NRG2: variants seen among roughly 807,000 people sequenced by gnomAD.
The protein encoded by NRG2 is neuregulin 2.
In NRG2, 27 loss-of-function variants were observed where a neutral mutation model predicts 73.9. The ratio of observed to expected loss-of-function variants is 0.37; its 90% CI spans 0.27 to 0.50. The LOEUF (loss-of-function observed/expected upper bound fraction) is 0.50. Among genes scored for constraint, NRG2 ranks in the 20% least tolerant of loss-of-function variants. NRG2 has a pLI of 0.96. For synonymous variants in NRG2, 532 were observed against 541.0 expected (o/e 0.98, Z 0.23); for missense variants, 1,126 against 1,210.1 (o/e 0.93, Z 1.03).
At chr5:139,950,266 G>A (rs886142469) in intron 1 of NRG2, among the ~76,000 whole-genome samples, 4 of 152,128 alleles carry the variant, frequency 2.6e-5, no homozygotes, top group African/African-American at 4.8e-5. Flanking sequence ...CATGATTGGC[G>A]GTACCATCTC....
chr5:139,983,462 C>G (rs1756958341), intron 1 of NRG2, among the ~76,000 whole-genome samples: 1 of 152,208 alleles, frequency 6.6e-6, no homozygotes, highest in Non-Finnish European at 1.5e-5. Context: ...CAGGTCAGAG[C>G]TCTACCAAAC....
chr5:139,954,480 C>G lies in NRG2; in HGVS notation c.701-66969G>C, dbSNP rs894227772. ...TCATCCATCACACCATGGCCAAATTCATCCCACCACCCACTCTCCTGCTGA... is the reference window on the plus strand; with the variant it reads ...TCATCCATCACACCATGGCCAAATTGATCCCACCACCCACTCTCCTGCTGA... On this transcript the variant is annotated intron_variant, in intron 1 of 9. Transcript: ENST00000361474. The surrounding 1 kb of genome is among the most constrained non-coding windows in gnomAD (Gnocchi z 5.0). Among the ~76,000 whole-genome samples, 1 of 152,230 alleles carries G rather than the reference C, an allele frequency of 6.6e-6. No homozygotes were observed. Among genetic ancestry groups the G allele is most frequent in the Non-Finnish European group, 1.5e-5 (1 of 68,042 alleles).
chr5:140,041,258 C>T (rs1157814128), intron 1 of NRG2, among the ~76,000 whole-genome samples: 1 of 152,122 alleles, frequency 6.6e-6, no homozygotes, highest in African/African-American at 2.4e-5. Context: ...CAAGTCATAC[C>T]GCATGCCAAC....
At chr5:140,015,479 T>C (rs1229090310) in intron 1 of NRG2, among the ~76,000 whole-genome samples, 1 of 152,216 alleles carries the variant, frequency 6.6e-6, no homozygotes, top group Non-Finnish European at 1.5e-5. Flanking sequence ...CATATTCATC[T>C]TTGTGTCCCC....
chr5:139,949,281 C>T (rs187967038), intron 1 of NRG2, among the ~76,000 whole-genome samples: 1 of 152,248 alleles, frequency 6.6e-6, no homozygotes. Context: ...ATATAATGGT[C>T]ATGCTATGTA....
intron 9 of NRG2, 82 bp from the exon 10 acceptor site, chr5:139,848,779 G>GGGGGTT: frequency 1.0e-5 from 2 of 198,600 alleles, no homozygotes; most frequent in Non-Finnish European, 2.0e-5. Context: ...GGTAGGGTGG[G>GGGGGTT]AGGGGCGGAC....
intron 1 of NRG2, among the ~76,000 whole-genome samples, chr5:139,972,038 A>G (rs1008347326): frequency 1.3e-5 from 2 of 152,252 alleles, no homozygotes; most frequent in African/African-American, 4.8e-5. Context: ...GAATAGATCA[A>G]TCAGTGGAAC....
In NRG2 at chr5:139,887,548, G is replaced by A. The variant is rs749336354; in HGVS notation, c.701-37C>T. On this transcript the variant is annotated intron_variant, in intron 1 of 9. Coordinates refer to ENST00000361474, the MANE Select transcript of NRG2 (RefSeq NM_004883.3). This position sits in a 1 kb window ranked among gnomAD's most constrained non-coding sequence, Gnocchi z 4.5. Reference sequence around the variant, plus strand: ...AAGGCAGGTAGGTGAGCACGGTGGTGGTAGGGGCAGTGCCAAGCATGAGTA... The same window carrying A: ...AAGGCAGGTAGGTGAGCACGGTGGTAGTAGGGGCAGTGCCAAGCATGAGTA... 4.4e-6 allele frequency: 7 copies of A among 1,600,182 alleles called. No homozygotes were observed. The South Asian group carries it at 6.7e-5, about 15-fold the overall frequency.
At chr5:139,861,891 A>G (rs1235682147) in intron 5 of NRG2, 5 of 445,156 alleles carry the variant, frequency 1.1e-5, no homozygotes, top group African/African-American at 2.0e-5. Context: ...CTTGACCACA[A>G]CACCTGGGAC....
rs759140152 is a variant in NRG2, at chr5:139,904,336, C to A, written c.701-16825G>T. The A allele has an allele frequency of 1.8e-5, 28 of 1,592,652 alleles. No homozygotes were observed. Among genetic ancestry groups the A allele is most frequent in the Non-Finnish European group, 2.3e-5 (27 of 1,177,664 alleles). On this transcript the variant is annotated intron_variant, in intron 1 of 9. Transcript: ENST00000361474. The surrounding 1 kb of genome is among the most constrained non-coding windows in gnomAD (Gnocchi z 6.0). Reference sequence around the variant, plus strand: ...CTCCCCGGGATCGGGCTCCCTCTCCCGCTTCCTCCCCTCTGGGTGCTTCTT... The same window carrying A: ...CTCCCCGGGATCGGGCTCCCTCTCCAGCTTCCTCCCCTCTGGGTGCTTCTT...
intron 1 of NRG2, among the ~76,000 whole-genome samples, chr5:139,961,333 GA>G (rs1253320286): frequency 1.3e-5 from 2 of 151,932 alleles, no homozygotes; most frequent in African/African-American, 4.8e-5. Context: ...GTCTCTCTGA[GA>G]ATTTCAGTGC....
chr5:139,993,520 C>A (rs1050739386), intron 1 of NRG2, among the ~76,000 whole-genome samples: 8 of 152,160 alleles, frequency 5.3e-5, no homozygotes, highest in African/African-American at 1.9e-4. Context: ...CCTCAAAAGA[C>A]CTTTATGGAC....
At chr5:139,867,449 C>T (rs930771111) in intron 4 of NRG2, among the ~76,000 whole-genome samples, 1 of 152,044 alleles carries the variant, frequency 6.6e-6, no homozygotes, top group Non-Finnish European at 1.5e-5. Flanking sequence ...TGCCATCAGC[C>T]CCCTTGTCAA....
At chr5:139,876,925 C>CTGTGTGTGTGTGTGTGTG (rs3082489) in intron 3 of NRG2, among the ~76,000 whole-genome samples, 2 of 142,008 alleles carry the variant, frequency 1.4e-5, no homozygotes, top group South Asian at 2.4e-4. Context: ...GAATGTGCAT[C>CTGTGTGTGTGTGTGTGTG]TGTGTGTGTG....
intron 1 of NRG2, among the ~76,000 whole-genome samples, chr5:139,962,547 C>G (rs1443675285): frequency 6.6e-6 from 1 of 152,118 alleles, no homozygotes; most frequent in Non-Finnish European, 1.5e-5. Context: ...CCCCAGACTG[C>G]ACTTTGGGAA....
chr5:139,942,913 T>C (rs2126433619), intron 1 of NRG2, among the ~76,000 whole-genome samples: 1 of 152,354 alleles, frequency 6.6e-6, no homozygotes, highest in South Asian at 2.1e-4. Context: ...GCATCTCGGC[T>C]TACTGCAACC....
At position 140,042,787 on chromosome 5, in the gene NRG2, G is replaced by T; in HGVS notation, c.283C>A (p.Arg95Ser). ...ATGGAGAAGCCGGGGGCCGGGTCGCGCCTCATGCCGCCGGCGGCTGCGGCT... is the reference window on the plus strand; with the variant it reads ...ATGGAGAAGCCGGGGGCCGGGTCGCTCCTCATGCCGCCGGCGGCTGCGGCT... ...SRAAAAGGMR[R>S]DPAPGFSMLL... Residue 95 changes from arginine (R) to serine (S), a missense_variant, in exon 1 of 10, where the codon CGC (arginine) becomes AGC (serine). Arg to Ser is a moderately radical substitution (Grantham distance 110). Around this residue, in one of 3 missense-constraint regions of NRG2, gnomAD observed 185 missense variants for 149.0 expected, o/e 1.24. Coordinates refer to ENST00000361474, the MANE Select transcript of NRG2 (RefSeq NM_004883.3). The T allele has an allele frequency of 1.3e-6, 2 of 1,516,548 alleles. No homozygotes were observed. The highest frequency in any genetic ancestry group is 1.2e-5 in the South Asian group (1 of 80,524). 93.9% of individuals were successfully genotyped at this position (1,516,548 alleles called of 1,614,324 possible). A position where few individuals can be genotyped will look rare whatever the true frequency, so the allele number is the denominator to read the frequency against.
At chr5:139,903,393 G>A (rs1240368057) in intron 1 of NRG2, among the ~76,000 whole-genome samples, 1 of 152,194 alleles carries the variant, frequency 6.6e-6, no homozygotes, top group Non-Finnish European at 1.5e-5. Flanking sequence ...TTTGAACATG[G>A]CTTGCCTGTG....
In NRG2 at chr5:139,903,142, C is replaced by A. The variant is rs180794389; in HGVS notation, c.701-15631G>T. Among the ~76,000 whole-genome samples, 723 of 152,018 alleles carry A rather than the reference C, an allele frequency of 4.8e-3. 5 individuals are homozygous for A. The highest frequency in any genetic ancestry group is 0.016 in the African/African-American group (679 of 41,302). ...GCACCATCGAAGCCTCCCAGCTTCC[C>A]GTCAAACGCTCTTTTGAAGGCATTT... is the stretch of plus-strand genomic sequence containing the variant. On this transcript the variant is annotated intron_variant, in intron 1 of 9. Transcript: ENST00000361474.
Sources: allele counts gnomAD v4.1 joint callset (sites outside exome capture counted in the v4.1 genomes callset), GRCh38; gene constraint gnomAD v4.1.1; regional missense constraint gnomAD v4.1.1; non-coding constraint Gnocchi (gnomAD v3.1); transcripts MANE v1.5; gene names NCBI Gene and HGNC (gene_info 2026-07-23, HGNC 2026-07-21).